TRAFD1: variants seen among roughly 807,000 people sequenced by gnomAD.
The protein encoded by TRAFD1 is TRAF-type zinc finger domain containing 1.
A neutral mutation model predicts 65.3 loss-of-function variants in TRAFD1; 38 were observed. The ratio of observed to expected loss-of-function variants is 0.58; its 90% CI spans 0.45 to 0.76. The LOEUF (loss-of-function observed/expected upper bound fraction) is 0.76. TRAFD1 is among the 30% of genes least tolerant of loss of function. The pLI is 0.00. For synonymous variants in TRAFD1, 223 were observed against 257.2 expected, an observed-to-expected ratio of 0.87 and a Z score of 1.27; for missense variants, 631 against 712.6, an observed-to-expected ratio of 0.89 and a Z score of 1.30.
intron 4 of TRAFD1, among the ~76,000 whole-genome samples, chr12:112,135,433 T>TTTTG (rs1324968379): frequency 8.1e-4 from 123 of 152,300 alleles, no homozygotes; most frequent in African/African-American, 2.9e-3. Flanking sequence ...TAAAATTCTT[T>TTTTG]TTTGTTTGTT....
rs1056212193 is a variant in TRAFD1 at position 112,152,564 on chromosome 12, C to T, written c.1692+65C>T. ...CAGACATGGTGGGGCTTGTGTGGCT[C>T]CTGAAGTTGTAGAAGTTGTTGGGAC... On this transcript the variant is annotated intron_variant, in intron 11 of 11. Coordinates refer to ENST00000412615, the MANE Select transcript of TRAFD1 (RefSeq NM_006700.3). This position sits in a 1 kb window ranked among gnomAD's most constrained non-coding sequence, Gnocchi z 5.0. The T allele has an allele frequency of 1.6e-5, 26 of 1,604,590 alleles. 1 individual carries two copies. The highest frequency in any genetic ancestry group is 2.2e-5 in the Non-Finnish European group (26 of 1,172,906).
At position 112,148,305 on chromosome 12, in the gene TRAFD1, G is replaced by A. The variant is rs1408450846; in HGVS notation, c.1158+1G>A. 6.2e-7 allele frequency: 1 copy of A among 1,613,780 alleles called. No homozygotes were observed. The highest frequency in any genetic ancestry group is 1.3e-5 in the African/African-American group (1 of 75,046). ...AGAGGAGGTGCTGTTCCATCACCAGGTAAGGGTCCCTGGAGTCCCTGTCCA... is the reference window on the plus strand; with the variant it reads ...AGAGGAGGTGCTGTTCCATCACCAGATAAGGGTCCCTGGAGTCCCTGTCCA... On this transcript the variant is annotated splice_donor_variant, in intron 8 of 11. Transcript: ENST00000412615. LOFTEE classifies it high-confidence loss of function.
At chr12:112,126,456 G>T (rs1365889751) in intron 1 of TRAFD1, among the ~76,000 whole-genome samples, 2 of 152,166 alleles carry the variant, frequency 1.3e-5, no homozygotes, top group East Asian at 3.9e-4. Context: ...GCCCAGAGAG[G>T]TTAAATCTGG....
chr12:112,151,921 G>T lies in TRAFD1; in HGVS notation c.1400G>T (p.Arg467Ile), dbSNP rs1486086254. 2 of 1,614,072 alleles carry T rather than the reference G, an allele frequency of 1.2e-6. No homozygotes were observed. The highest frequency in any genetic ancestry group is 2.7e-5 in the African/African-American group (2 of 74,918). Reference protein sequence around the residue: ...NMTATYNQLSRSTSGPRPGCQ... With the variant: ...NMTATYNQLSISTSGPRPGCQ... The stretch of plus-strand genomic sequence containing the variant: ...ACAGCTACCTATAACCAGCTATCGA[G>T]ATCAACATCAGGCCCCAGACCTGGG... Residue 467 changes from arginine (R) to isoleucine (I), a missense_variant, in exon 10 of 12, where the codon AGA (arginine) becomes ATA (isoleucine). Physicochemically the swap from Arg to Ile is moderately conservative, Grantham distance 97. Transcript: ENST00000412615.
rs2030445914 is a variant in TRAFD1, at chr12:112,152,798, C to T, written c.*7C>T. The T allele has an allele frequency of 6.2e-7, 1 of 1,614,080 alleles. No homozygotes were observed. The highest frequency in any genetic ancestry group is 1.1e-5 in the South Asian group (1 of 91,082). On this transcript the variant is annotated 3_prime_UTR_variant, in exon 12 of 12. Transcript: ENST00000412615. The surrounding 1 kb of genome is among the most constrained non-coding windows in gnomAD (Gnocchi z 5.0). ...AGAGGAAGAGGAGGAGTAATGGTGT[C>T]TCCAGAGACTTTACATCGGTTCCTG...
At chr12:112,146,495 C>T (rs1228632396) in intron 7 of TRAFD1, among the ~76,000 whole-genome samples, 3 of 152,238 alleles carry the variant, frequency 2.0e-5, no homozygotes, top group Non-Finnish European at 4.4e-5. Context: ...CTGGTCTCAT[C>T]TCATGCCACA....
In TRAFD1 at chr12:112,152,732, C is replaced by G. The variant is rs1337614993; in HGVS notation, c.1693-3C>G. The G allele has an allele frequency of 6.2e-7, 1 of 1,614,030 alleles. No individual in the cohort carries two copies. On this transcript the variant is annotated splice_region_variant and splice_polypyrimidine_tract_variant and intron_variant, in intron 11 of 11. Transcript: ENST00000412615. This position sits in a 1 kb window ranked among gnomAD's most constrained non-coding sequence, Gnocchi z 5.0. The stretch of plus-strand genomic sequence containing the variant: ...GCTTCGTTTGTGTTGTGTTGTTCAC[C>G]AGGCAAAGCCTTCCAAGCAACAGGG...
intron 4 of TRAFD1, among the ~76,000 whole-genome samples, chr12:112,135,825 G>A (rs569340283): frequency 5.3e-5 from 7 of 131,592 alleles, no homozygotes; most frequent in African/African-American, 1.9e-4. Context: ...CTGGCCAAAG[G>A]TTTTTTTTTT....
At chr12:112,142,359 A>C (rs545045412) in intron 6 of TRAFD1, 64 bp downstream of exon 6, 2 of 1,485,292 alleles carry the variant, frequency 1.3e-6, no homozygotes, top group Admixed American at 4.4e-5. Context: ...AGGTTATACA[A>C]TTCTTATACA....
chr12:112,138,814 T>C (rs952602730), intron 4 of TRAFD1, among the ~76,000 whole-genome samples: 1 of 143,734 alleles, frequency 7.0e-6, no homozygotes, highest in Non-Finnish European at 1.5e-5. Flanking sequence ...GTCGAAATCA[T>C]GCCATTGTAC....
At chr12:112,146,457 C>T (rs1382943885) in intron 7 of TRAFD1, among the ~76,000 whole-genome samples, 1 of 152,154 alleles carries the variant, frequency 6.6e-6, no homozygotes, top group East Asian at 1.9e-4. Flanking sequence ...GACTGGTGCA[C>T]ATATATCTCC....
chr12:112,134,713 C>T, intron 2 of TRAFD1, 25 bp from the exon 3 acceptor site: 1 of 1,605,650 alleles, frequency 6.2e-7, no homozygotes, highest in Non-Finnish European at 8.5e-7. Flanking sequence ...TAATGCTTGC[C>T]TTTTTCTTTG....
At chr12:112,127,155 C>G (rs2079542849) in intron 1 of TRAFD1, among the ~76,000 whole-genome samples, 2 of 152,112 alleles carry the variant, frequency 1.3e-5, no homozygotes, top group African/African-American at 2.4e-5. Flanking sequence ...TTCCCACTGC[C>G]TGGATGGATT....
chr12:112,134,789 A>G lies in TRAFD1; in HGVS notation c.99A>G (p.Gln33=). 1 of 1,613,638 alleles carries G rather than the reference A, an allele frequency of 6.2e-7. No homozygotes were observed. The highest frequency in any genetic ancestry group is 8.5e-7 in the Non-Finnish European group (1 of 1,179,530). ...TTACCATCCATGAGATCCACTGTCA[A>G]AGGAACATTGGTATGTGTCCTACCT... ...FNFTIHEIHC[Q]RNIGMCPTCK... Residue 33 remains glutamine (Q), a synonymous_variant, in exon 3 of 12, where the codon CAA becomes CAG. Coordinates refer to ENST00000412615, the MANE Select transcript of TRAFD1 (RefSeq NM_006700.3).
In TRAFD1 at chr12:112,148,275, C is replaced by G; in HGVS notation, c.1129C>G (p.Leu377Val). The change falls in exon 8 of 12, where the codon CTG becomes GTG. Residue 377 changes from leucine (L) to valine (V), a missense_variant. Leu to Val is a conservative substitution (Grantham distance 32). Transcript: ENST00000412615. ...IIPCEFCGVQ[L>V]EEEVLFHHQD... ...CCCATGTGAATTCTGTGGGGTACAGCTGGAAGAGGAGGTGCTGTTCCATCA... is the reference window on the plus strand; with the variant it reads ...CCCATGTGAATTCTGTGGGGTACAGGTGGAAGAGGAGGTGCTGTTCCATCA... The G allele has an allele frequency of 6.2e-7, 1 of 1,614,142 alleles. No individual in the cohort carries two copies. The highest frequency in any genetic ancestry group is 8.5e-7 in the Non-Finnish European group (1 of 1,180,006).
chr12:112,146,621 T>C (rs917197307), intron 7 of TRAFD1, among the ~76,000 whole-genome samples: 4 of 152,246 alleles, frequency 2.6e-5, no homozygotes, highest in African/African-American at 9.6e-5. Flanking sequence ...CCCTGTCTCC[T>C]TAACACATCC....
At position 112,151,396 on chromosome 12, in the gene TRAFD1, C is replaced by CT. The variant is rs111413952; in HGVS notation, c.1280-393dup. On this transcript the variant is annotated intron_variant, in intron 9 of 11. Transcript: ENST00000412615. ...GCAGCCTTTTGGGGTGAGCAGTTGTCTTTTTTTTTTTTGAGACACAGTCTT... is the reference window on the plus strand; with the variant it reads ...GCAGCCTTTTGGGGTGAGCAGTTGTCTTTTTTTTTTTTTGAGACACAGTCTT... Among the ~76,000 whole-genome samples the CT allele has an allele frequency of 3.3e-3, 479 of 143,412 alleles. 2 individuals carry two copies. The highest frequency in any genetic ancestry group is 8.9e-3 in the African/African-American group (350 of 39,418). 94.1% of individuals were successfully genotyped at this position (143,412 alleles called of 152,430 possible).
At chr12:112,129,188 T>G (rs1012117599) in intron 1 of TRAFD1, among the ~76,000 whole-genome samples, 10 of 144,560 alleles carry the variant, frequency 6.9e-5, no homozygotes, top group African/African-American at 2.3e-4. Context: ...AAGGGTGGGA[T>G]GGTGATTTTT....
At chr12:112,142,428 T>C in intron 6 of TRAFD1, 133 bp downstream of exon 6, 4 of 1,127,262 alleles carry the variant, frequency 3.5e-6, no homozygotes, top group Non-Finnish European at 4.9e-6. Flanking sequence ...TTTTTTCTTT[T>C]CTTTTTTGGG....
Sources: gnomAD v4.1 joint callset for allele counts (sites outside exome capture counted in the v4.1 genomes callset) on GRCh38, gnomAD v4.1.1 for gene constraint, Gnocchi (gnomAD v3.1) non-coding constraint, MANE v1.5 for transcripts, NCBI Gene and HGNC (gene_info 2026-07-23, HGNC 2026-07-21) for gene names.